ELOVL6: variants seen among roughly 807,000 people sequenced by gnomAD.
ELOVL6 encodes the protein very long chain fatty acid elongase 6.
Under a neutral mutation model 31.7 loss-of-function variants are expected in ELOVL6, and 8 were observed. That is an observed-to-expected ratio of 0.25 (90% CI 0.15 to 0.45). The LOEUF is 0.45. Among genes scored for constraint, ELOVL6 ranks in the 20% least tolerant of loss-of-function variants. ELOVL6 has a pLI of 1.00. For synonymous variants in ELOVL6, 101 were observed against 117.7 expected, an observed-to-expected ratio of 0.86 and a Z score of 0.92; for missense variants, 126 against 326.4, an observed-to-expected ratio of 0.39 and a Z score of 4.73.
At chr4:110,067,236 T>G (rs970708683) in intron 2 of ELOVL6, among the ~76,000 whole-genome samples, 1 of 152,214 alleles carries the variant, frequency 6.6e-6, no homozygotes, top group Non-Finnish European at 1.5e-5. Flanking sequence ...TAGGTTTGAG[T>G]CATTTATCTT....
chr4:110,157,037 A>C (rs978329271), intron 1 of ELOVL6, among the ~76,000 whole-genome samples: 20 of 152,212 alleles, frequency 1.3e-4, no homozygotes, highest in Non-Finnish European at 2.5e-4. Flanking sequence ...CATTCTGATT[A>C]ATCATTTTTG....
intron 1 of ELOVL6, among the ~76,000 whole-genome samples, chr4:110,178,111 C>G (rs1759164807): frequency 6.6e-6 from 1 of 152,082 alleles, no homozygotes; most frequent in Admixed American, 6.6e-5. Context: ...TCAGCCAGAA[C>G]ATTACATTAA....
chr4:110,168,362 T>G (rs1042688237), intron 1 of ELOVL6, among the ~76,000 whole-genome samples: 1 of 151,850 alleles, frequency 6.6e-6, no homozygotes, highest in African/African-American at 2.4e-5. Context: ...TAAAAAAATA[T>G]GCAAAAGTTA....
intron 2 of ELOVL6, among the ~76,000 whole-genome samples, chr4:110,084,551 C>CAGATATATATTTTTATAT (rs1163599448): frequency 1.5e-5 from 1 of 64,696 alleles, no homozygotes; most frequent in African/African-American, 9.2e-5. Flanking sequence ...CACACACACA[C>CAGATATATATTTTTATAT]ACACACACAC....
intron 1 of ELOVL6, among the ~76,000 whole-genome samples, chr4:110,141,576 G>A (rs769821984): frequency 1.8e-4 from 27 of 151,418 alleles, no homozygotes; most frequent in Non-Finnish European, 3.2e-4. Context: ...ACTGGGGAGG[G>A]GCGATCCTAA....
intron 1 of ELOVL6, among the ~76,000 whole-genome samples, chr4:110,136,527 A>C (rs1274114540): frequency 6.6e-6 from 1 of 152,214 alleles, no homozygotes; most frequent in Non-Finnish European, 1.5e-5. Flanking sequence ...ACTTCCTTAC[A>C]AACTAACAAC....
intron 1 of ELOVL6, among the ~76,000 whole-genome samples, chr4:110,158,657 A>ATATATATATATATATATTTT: frequency 4.0e-5 from 3 of 74,158 alleles, no homozygotes; most frequent in African/African-American, 2.5e-4. Context: ...ATATATATAT[A>ATATATATATATATATATTTT]TTTTTTTTTT....
intron 1 of ELOVL6, among the ~76,000 whole-genome samples, chr4:110,161,400 G>C (rs7682028): frequency 0.55 from 83,925 of 151,930 alleles, 23,530 homozygotes; most frequent in East Asian, 0.79. Flanking sequence ...TTAACCCCAA[G>C]TCTATACTGA....
intron 2 of ELOVL6, among the ~76,000 whole-genome samples, chr4:110,084,376 G>GCATATATGAT (rs1756117772): frequency 4.9e-5 from 2 of 40,536 alleles, no homozygotes; most frequent in Non-Finnish European, 9.1e-5. Context: ...TATGATATAT[G>GCATATATGAT]ATATATATCG....
intron 1 of ELOVL6, among the ~76,000 whole-genome samples, chr4:110,136,231 A>C (rs143733829): frequency 4.5e-4 from 69 of 152,320 alleles, no homozygotes; most frequent in African/African-American, 1.6e-3. Context: ...TTGAGTCGGA[A>C]AACACCCAGC....
At chr4:110,057,341 GA>G (rs1755015044) in intron 3 of ELOVL6, among the ~76,000 whole-genome samples, 3 of 151,714 alleles carry the variant, frequency 2.0e-5, no homozygotes, top group African/African-American at 7.3e-5. Flanking sequence ...AAAAAAAATT[GA>G]GGGGGAAGTA....
intron 1 of ELOVL6, among the ~76,000 whole-genome samples, chr4:110,110,399 A>T (rs1258389795): frequency 7.7e-6 from 1 of 129,518 alleles, no homozygotes; most frequent in Non-Finnish European, 1.6e-5. Flanking sequence ...ATTTTTCCGC[A>T]GATTTTTTTT....
chr4:110,100,712 C>T (rs898736391), intron 2 of ELOVL6, among the ~76,000 whole-genome samples: 8 of 152,328 alleles, frequency 5.3e-5, no homozygotes, highest in Admixed American at 5.2e-4. Context: ...GAAAAATTTA[C>T]TTCTTCTGAA....
intron 1 of ELOVL6, among the ~76,000 whole-genome samples, chr4:110,190,693 T>C (rs1349353601): frequency 6.6e-6 from 1 of 151,842 alleles, no homozygotes; most frequent in African/African-American, 2.4e-5. Context: ...TTAGTAGAAA[T>C]AGGGTTTCAC....
At position 110,198,085 on chromosome 4, in the gene ELOVL6, C is replaced by CCCCT. The variant is rs1553963924; in HGVS notation, c.89+161_89+162insAGGG. On this transcript the variant is annotated intron_variant, in intron 1 of 3. Coordinates refer to ENST00000302274, the MANE Select transcript of ELOVL6 (RefSeq NM_024090.3). ...CTCGCGCTTCATGTACCCCCCCCCC[C>CCCCT]CCAGCGTCTCCTGCACCCGGGAGAC... is the stretch of plus-strand genomic sequence containing the variant. The CCCCT allele has an allele frequency of 5.8e-6, 3 of 514,614 alleles. No homozygotes were observed. The African/African-American group carries it at 6.2e-5, about 11-fold the overall frequency. The allele number at this position is 514,614 out of a possible 1,614,324, so 31.9% of individuals were successfully genotyped here. A position where few individuals can be genotyped will look rare whatever the true frequency, so the allele number is the denominator to read the frequency against.
At position 110,049,087 on chromosome 4, in the gene ELOVL6, G is replaced by T. The variant is rs1754770590; in HGVS notation, c.*2251C>A. 1 of 152,144 alleles carries T rather than the reference G, an allele frequency of 6.6e-6. No individual in the cohort carries two copies. Among genetic ancestry groups the T allele is most frequent in the Non-Finnish European group, 1.5e-5 (1 of 68,018 alleles). The allele number at this position is 152,144 out of a possible 1,614,324, so 9.4% of individuals were successfully genotyped here. A position where few individuals can be genotyped will look rare whatever the true frequency, so the allele number is the denominator to read the frequency against. ...TCATTTTCTGTTATAAGGAAAAAAG[G>T]CTTATTGCACGGTATCATGTATTTG... On this transcript the variant is annotated 3_prime_UTR_variant, in exon 4 of 4. Transcript: ENST00000302274.
chr4:110,094,060 G>A (rs1277656063), intron 2 of ELOVL6, among the ~76,000 whole-genome samples: 2 of 151,996 alleles, frequency 1.3e-5, no homozygotes, highest in African/African-American at 4.8e-5. Flanking sequence ...GACCAGCCTG[G>A]CCGACATGGC....
chr4:110,181,622 T>C (rs1395362187), intron 1 of ELOVL6, among the ~76,000 whole-genome samples: 1 of 152,022 alleles, frequency 6.6e-6, no homozygotes, highest in Non-Finnish European at 1.5e-5. Flanking sequence ...TTAACTAAGA[T>C]GTAAAACAAG....
At chr4:110,192,941 C>T (rs909238887) in intron 1 of ELOVL6, among the ~76,000 whole-genome samples, 1 of 152,104 alleles carries the variant, frequency 6.6e-6, no homozygotes, top group Non-Finnish European at 1.5e-5. Flanking sequence ...CACTATATTC[C>T]TACAGAGCTG....
Sources: allele counts gnomAD v4.1 joint callset (sites outside exome capture counted in the v4.1 genomes callset), GRCh38; gene constraint gnomAD v4.1.1; transcripts MANE v1.5; gene names NCBI Gene and HGNC (gene_info 2026-07-23, HGNC 2026-07-21).